COL24A1: variants seen among roughly 807,000 people sequenced by gnomAD.
COL24A1 encodes collagen type XXIV alpha 1 chain.
Under a neutral mutation model 253.9 loss-of-function variants are expected in COL24A1, and 224 were observed. The ratio of observed to expected loss-of-function variants is 0.88; its 90% CI spans 0.79 to 0.99. The LOEUF (loss-of-function observed/expected upper bound fraction) is 0.99, where lower values mean the gene tolerates loss of function less well. COL24A1 is among the 50% of genes least tolerant of loss of function. The pLI is 0.00. For synonymous variants in COL24A1, 685 were observed against 673.7 expected (o/e 1.02, Z -0.26); for missense variants, 2,131 against 2,068.5 (o/e 1.03, Z -0.59).
intron 54 of COL24A1, 30 bp from the exon 55 acceptor site, chr1:85,761,452 C>T: frequency 6.2e-7 from 1 of 1,613,844 alleles, no homozygotes; most frequent in Non-Finnish European, 8.5e-7. Flanking sequence ...AAAAAATACA[C>T]ATTTATTTAG....
chr1:85,919,757 A>G (rs1400654452), intron 24 of COL24A1, among the ~76,000 whole-genome samples: 5 of 152,216 alleles, frequency 3.3e-5, no homozygotes, highest in Admixed American at 1.3e-4. Flanking sequence ...GGGGAGAGCT[A>G]CTTAGGAACA....
chr1:85,891,053 T>C (rs1429114913), intron 31 of COL24A1, among the ~76,000 whole-genome samples: 10 of 151,704 alleles, frequency 6.6e-5, no homozygotes, highest in African/African-American at 2.4e-4. Context: ...TGCATCTTTT[T>C]TTCTTTTTTT....
chr1:86,044,390 T>C (rs1699742921), intron 12 of COL24A1, among the ~76,000 whole-genome samples: 1 of 152,146 alleles, frequency 6.6e-6, no homozygotes, highest in Admixed American at 6.5e-5. Context: ...CTTATAAATA[T>C]AGACAAATGA....
intron 11 of COL24A1, 55 bp from the exon 12 acceptor site, chr1:86,046,924 A>G: frequency 1.0e-6 from 1 of 987,968 alleles, no homozygotes; most frequent in South Asian, 1.3e-5. Flanking sequence ...ATTAGGTACT[A>G]TAGATCTTTT....
chr1:85,760,824 CA>C (rs1170245772), intron 55 of COL24A1, among the ~76,000 whole-genome samples: 1 of 151,970 alleles, frequency 6.6e-6, no homozygotes, highest in Non-Finnish European at 1.5e-5. Flanking sequence ...AGAGTGGATA[CA>C]AAGCATAAGG....
intron 7 of COL24A1, among the ~76,000 whole-genome samples, chr1:86,076,523 C>G (rs1171441471): frequency 2.6e-5 from 4 of 152,160 alleles, no homozygotes; most frequent in Admixed American, 6.5e-5. Flanking sequence ...ACTTTCTTCA[C>G]AGAATTAGAA....
intron 48 of COL24A1, among the ~76,000 whole-genome samples, chr1:85,785,888 C>G (rs1353620279): frequency 1.3e-5 from 2 of 152,146 alleles, no homozygotes; most frequent in Non-Finnish European, 2.9e-5. Context: ...TGACAGACTC[C>G]ACACAATAAA....
At position 86,156,675 on chromosome 1, in the gene COL24A1, C is replaced by T. The variant is rs1653671474; in HGVS notation, c.-279G>A. 1 of 303,186 alleles carries T rather than the reference C, an allele frequency of 3.3e-6. No individual in the cohort carries two copies. The highest frequency in any genetic ancestry group is 5.2e-5 in the Admixed American group (1 of 19,288). The allele number at this position is 303,186 out of a possible 1,614,324, so 18.8% of individuals were successfully genotyped here. The stretch of plus-strand genomic sequence containing the variant: ...GGAGGGCGGGCGAGGAGGTAAACCT[C>T]ACTGGGAGGCCTCGGGGCGCCGGCG... On this transcript the variant is annotated 5_prime_UTR_variant, in exon 1 of 60. Transcript: ENST00000370571.
chr1:85,803,457 C>T (rs1472818759), intron 47 of COL24A1, among the ~76,000 whole-genome samples: 1 of 147,810 alleles, frequency 6.8e-6, no homozygotes, highest in African/African-American at 2.5e-5. Flanking sequence ...CATAAACAAA[C>T]AAAACAAAAC....
intron 28 of COL24A1, among the ~76,000 whole-genome samples, chr1:85,902,564 T>C (rs1191714528): frequency 6.6e-6 from 1 of 152,168 alleles, no homozygotes; most frequent in African/African-American, 2.4e-5. Context: ...AAAACTAATA[T>C]AATTTGTAAC....
rs1448681014 is a variant in COL24A1, at chr1:85,868,763, T to A, written c.3192+19A>T. 1 of 1,492,730 alleles carries A rather than the reference T, an allele frequency of 6.7e-7. No homozygotes were observed. The highest frequency in any genetic ancestry group is 2.3e-5 in the East Asian group (1 of 42,656). The allele number at this position is 1,492,730 out of a possible 1,614,324, so 92.5% of individuals were successfully genotyped here. A position where few individuals can be genotyped will look rare whatever the true frequency, so the allele number is the denominator to read the frequency against. On this transcript the variant is annotated intron_variant, in intron 36 of 59. Coordinates refer to ENST00000370571, the MANE Select transcript of COL24A1 (RefSeq NM_152890.7). ...TACAAAACATCTATTTTATATATAA[T>A]CTTAAAAGTATAATTTACCTTTAAC...
At chr1:85,832,825 G>A (rs1212912825) in intron 43 of COL24A1, among the ~76,000 whole-genome samples, 1 of 150,160 alleles carries the variant, frequency 6.7e-6, no homozygotes, top group Admixed American at 6.6e-5. Flanking sequence ...GGAGATTTTG[G>A]GCCGAGACAA....
chr1:86,011,537 T>C (rs6687775), intron 19 of COL24A1, among the ~76,000 whole-genome samples: 10,035 of 152,282 alleles, frequency 0.066, 768 homozygotes, highest in African/African-American at 0.19. Context: ...ACTTGTGCTT[T>C]TGAATCACAT....
intron 47 of COL24A1, among the ~76,000 whole-genome samples, chr1:85,816,133 G>A (rs1673020230): frequency 6.6e-6 from 1 of 152,040 alleles, no homozygotes; most frequent in African/African-American, 2.4e-5. Context: ...CCAACACTGA[G>A]CTACTAACAC....
At chr1:85,735,498 G>A (rs1663949917) in intron 58 of COL24A1, among the ~76,000 whole-genome samples, 1 of 152,044 alleles carries the variant, frequency 6.6e-6, no homozygotes, top group Non-Finnish European at 1.5e-5. Context: ...TAATTTGGTT[G>A]AGTAATTTTA....
Position 86,125,394 on chromosome 1 carries a change from T to C in COL24A1, c.942A>G (p.Leu314=), listed in dbSNP as rs530509638. ...RQEHQISRSQ[L]SSLQSGNVSA... ...AGACATTTCCTGACTGAAGAGAAGA[T>C]AACTGAGATCTTGATATCTGGTGTT... The change falls in exon 3 of 60, where the codon TTA becomes TTG. Residue 314 remains leucine, a synonymous_variant. Transcript: ENST00000370571. 9.9e-6 allele frequency: 16 copies of C among 1,613,684 alleles called. No individual in the cohort carries two copies. The African/African-American group carries it at 1.7e-4, about 17-fold the overall frequency.
rs1699649157 is a variant in COL24A1 at position 86,043,359 on chromosome 1, T to C, written c.1950+3466A>G. On this transcript the variant is annotated intron_variant, in intron 12 of 59. Transcript: ENST00000370571. The stretch of plus-strand genomic sequence containing the variant: ...TCTATCACCCACAAAAATTAAAAAA[T>C]AAAAAAATTAGAAAAAAACAGAAAT... Among the ~76,000 whole-genome samples, 3 of 151,448 alleles carry C rather than the reference T, an allele frequency of 2.0e-5. No homozygotes were observed. In the East Asian group the frequency reaches 5.8e-4, roughly 29 times the overall value.
At chr1:86,050,019 C>T (rs1571742880) in intron 11 of COL24A1, 105 bp downstream of exon 11, 2 of 911,202 alleles carry the variant, frequency 2.2e-6, no homozygotes, top group East Asian at 2.7e-5. Flanking sequence ...ACCTGGCTTG[C>T]TAACTCAGTA....
rs765607746 is a variant in COL24A1, at chr1:85,813,532, C to CTTTTTTTTTTTTTT, written c.3951+3242_3951+3255dup. The stretch of plus-strand genomic sequence containing the variant: ...AATTACTAGAAAATCTCATTCAGGT[C>CTTTTTTTTTTTTTT]TTTTTTTTTTTTTTTTTTTTTTTTT... On this transcript the variant is annotated intron_variant, in intron 47 of 59. Coordinates refer to ENST00000370571, the MANE Select transcript of COL24A1 (RefSeq NM_152890.7). 2.6e-5 allele frequency among the ~76,000 whole-genome samples: 2 copies of CTTTTTTTTTTTTTT among 76,244 alleles called. 1 individual carries two copies. Among genetic ancestry groups the CTTTTTTTTTTTTTT allele is most frequent in the South Asian group, 9.7e-4 (2 of 2,058 alleles). 50.0% of individuals were successfully genotyped at this position (76,244 alleles called of 152,430 possible).
Sources: allele counts gnomAD v4.1 joint callset (sites outside exome capture counted in the v4.1 genomes callset), GRCh38; gene constraint gnomAD v4.1.1; transcripts MANE v1.5; gene names NCBI Gene and HGNC (gene_info 2026-07-23, HGNC 2026-07-21).